Variants in VWC2 observed in about 807,000 individuals in gnomAD.
The protein encoded by VWC2 is von Willebrand factor C domain containing 2, also known as brorin.
Under a neutral mutation model 29.8 loss-of-function variants are expected in VWC2, and 14 were observed. That is an observed-to-expected ratio of 0.47 (90% CI 0.31 to 0.74). The LOEUF (loss-of-function observed/expected upper bound fraction) is 0.74, where lower values mean the gene tolerates loss of function less well. Ranked by LOEUF, VWC2 falls within the 30% of genes least tolerant of loss-of-function variation. The pLI is 0.05. For synonymous variants in VWC2, 213 were observed against 199.0 expected, an observed-to-expected ratio of 1.07 and a Z score of -0.59; for missense variants, 457 against 459.8, an observed-to-expected ratio of 0.99 and a Z score of 0.05.
intron 3 of VWC2, among the ~76,000 whole-genome samples, chr7:49,819,327 C>T (rs945658483): frequency 6.6e-6 from 1 of 152,172 alleles, no homozygotes; most frequent in African/African-American, 2.4e-5. Context: ...TCACAGAAAG[C>T]GTTGTGTGTG....
In VWC2 at chr7:49,775,812, C is replaced by T; in HGVS notation, c.377C>T (p.Ala126Val). 2 of 1,539,352 alleles carry T rather than the reference C, an allele frequency of 1.3e-6. No individual in the cohort carries two copies. The highest frequency in any genetic ancestry group is 8.8e-7 in the Non-Finnish European group (1 of 1,142,716). ...DTPQAEALAA[A>V]AQDAIGPELA... ...CCGCAGGCGGAAGCCCTGGCCGCAG[C>T]CGCCCAGGACGCGATTGGCCCGGAA... Residue 126 changes from alanine (A) to valine (V), a missense_variant, in exon 2 of 4, where the codon GCC (alanine) becomes GTC (valine). Physicochemically the swap from Ala to Val is moderately conservative, Grantham distance 64. Coordinates refer to ENST00000340652, the MANE Select transcript of VWC2 (RefSeq NM_198570.5).
At chr7:49,836,746 T>C (rs1046587423) in intron 3 of VWC2, among the ~76,000 whole-genome samples, 1 of 152,046 alleles carries the variant, frequency 6.6e-6, no homozygotes, top group Admixed American at 6.5e-5. Context: ...CTAGAAAAAA[T>C]CTTTTAGGTT....
chr7:49,852,590 CTTTT>C (rs1454402053), intron 3 of VWC2, among the ~76,000 whole-genome samples: 1 of 151,612 alleles, frequency 6.6e-6, no homozygotes, highest in Non-Finnish European at 1.5e-5. Flanking sequence ...GTTTCTGTGG[CTTTT>C]TGAGAAGTGA....
chr7:49,807,254 C>A (rs2128706763), intron 3 of VWC2, among the ~76,000 whole-genome samples: 1 of 152,226 alleles, frequency 6.6e-6, no homozygotes, highest in Non-Finnish European at 1.5e-5. Context: ...AAAATTCTAG[C>A]CAAAAATCCA....
At position 49,919,323 on chromosome 7, in the gene VWC2, A is replaced by C. The variant is rs2128746273; in HGVS notation, c.*7138A>C. 6.6e-6 allele frequency: 1 copy of C among 152,316 alleles called. No homozygotes were observed. The highest frequency in any genetic ancestry group is 1.5e-5 in the Non-Finnish European group (1 of 68,026). The allele number at this position is 152,316 out of a possible 1,614,324, so 9.4% of individuals were successfully genotyped here. A position where few individuals can be genotyped will look rare whatever the true frequency, so the allele number is the denominator to read the frequency against. On this transcript the variant is annotated 3_prime_UTR_variant, in exon 4 of 4. Transcript: ENST00000340652. ...GATACCAGCAGATATCCTTAAACTA[A>C]TAAAAAAAGCGATGGCATCACATGC...
intron 3 of VWC2, among the ~76,000 whole-genome samples, chr7:49,887,197 A>T (rs1791941568): frequency 1.3e-5 from 2 of 152,250 alleles, no homozygotes; most frequent in Middle Eastern, 6.8e-3. Context: ...TCTCAATACT[A>T]CTGAACAGAT....
rs1224356513 is a variant in VWC2 at position 49,914,061 on chromosome 7, C to T, written c.*1876C>T. The T allele has an allele frequency of 6.6e-6, 1 of 152,204 alleles. No individual in the cohort carries two copies. Among genetic ancestry groups the T allele is most frequent in the East Asian group, 1.9e-4 (1 of 5,194 alleles). 9.4% of individuals were successfully genotyped at this position (152,204 alleles called of 1,614,324 possible). A position where few individuals can be genotyped will look rare whatever the true frequency, so the allele number is the denominator to read the frequency against. On this transcript the variant is annotated 3_prime_UTR_variant, in exon 4 of 4. Transcript: ENST00000340652. ...CAAAATTTAACCTTTGTATTAAAGA[C>T]TGGTAGACATTGGCCATCCCTCCTT... is the stretch of plus-strand genomic sequence containing the variant.
chr7:49,854,332 A>G (rs539878391), intron 3 of VWC2, among the ~76,000 whole-genome samples: 23 of 152,330 alleles, frequency 1.5e-4, no homozygotes, highest in African/African-American at 5.1e-4. Context: ...CCCACCAACA[A>G]TGTAAACGTG....
intron 3 of VWC2, among the ~76,000 whole-genome samples, chr7:49,877,470 A>AAATAAAAT (rs1554338208): frequency 5.0e-5 from 2 of 39,858 alleles, no homozygotes; most frequent in Non-Finnish European, 8.7e-5. Context: ...CTCAAAAAAA[A>AAATAAAAT]AAAAAAAAAA....
chr7:49,776,223 T>A, intron 2 of VWC2, 92 bp downstream of exon 2: 1 of 1,152,928 alleles, frequency 8.7e-7, no homozygotes. Context: ...GAAGAAGAGG[T>A]GCTCTCTGGT....
intron 3 of VWC2, among the ~76,000 whole-genome samples, chr7:49,911,663 A>T (rs1222654510): frequency 2.0e-5 from 3 of 151,846 alleles, no homozygotes; most frequent in African/African-American, 7.3e-5. Flanking sequence ...TTGGGAAGCC[A>T]AGGTGGGTGG....
chr7:49,796,576 G>A (rs140374897), intron 2 of VWC2, among the ~76,000 whole-genome samples: 3 of 152,290 alleles, frequency 2.0e-5, no homozygotes, highest in Non-Finnish European at 4.4e-5. Flanking sequence ...TAGGCATCCC[G>A]GTAGATGGTG....
In VWC2 at chr7:49,913,911, T is replaced by C. The variant is rs1019265056; in HGVS notation, c.*1726T>C. ...GACTGAGTCATCAAAACACTACATA[T>C]AGTCATTTAATTTTTGTCTTGTTCA... On this transcript the variant is annotated 3_prime_UTR_variant, in exon 4 of 4. Transcript: ENST00000340652. The C allele has an allele frequency of 6.6e-6, 1 of 152,162 alleles. No individual in the cohort carries two copies. The highest frequency in any genetic ancestry group is 1.5e-5 in the Non-Finnish European group (1 of 68,034). The allele number at this position is 152,162 out of a possible 1,614,324, so 9.4% of individuals were successfully genotyped here.
In VWC2 at chr7:49,776,100, G is replaced by A. The variant is rs866218265; in HGVS notation, c.665G>A (p.Gly222Asp). 8.4e-6 allele frequency: 13 copies of A among 1,546,372 alleles called. No individual in the cohort carries two copies. The East Asian group carries it at 2.2e-4, about 26-fold the overall frequency. The change falls in exon 2 of 4, where the codon GGC becomes GAC. Residue 222 changes from glycine to aspartate, a missense_variant. Physicochemically the swap from Gly to Asp is moderately conservative, Grantham distance 94. Coordinates refer to ENST00000340652, the MANE Select transcript of VWC2 (RefSeq NM_198570.5). Reference protein sequence around the residue: ...KERKNYCEFRGKTYQTLEEFV... With the variant: ...KERKNYCEFRDKTYQTLEEFV... ...AGGAAGAACTACTGCGAGTTCCGGG[G>A]CAAGACCTATCAGACTTTGGAGGAG... is the stretch of plus-strand genomic sequence containing the variant.
At chr7:49,778,341 G>C (rs1182053366) in intron 2 of VWC2, among the ~76,000 whole-genome samples, 3 of 152,194 alleles carry the variant, frequency 2.0e-5, no homozygotes, top group Admixed American at 6.5e-5. Flanking sequence ...GGAATATTAA[G>C]TGCATCTTCC....
At chr7:49,847,497 A>G (rs1789987921) in intron 3 of VWC2, among the ~76,000 whole-genome samples, 1 of 152,090 alleles carries the variant, frequency 6.6e-6, no homozygotes, top group South Asian at 2.1e-4. Flanking sequence ...CAAGGGTTTG[A>G]AAATGTGGGT....
At position 49,872,520 on chromosome 7, in the gene VWC2, G is replaced by A. The variant is rs557280756; in HGVS notation, c.827-39514G>A. Among the ~76,000 whole-genome samples, 17 of 151,184 alleles carry A rather than the reference G, an allele frequency of 1.1e-4. No individual in the cohort carries two copies. In the East Asian group the frequency reaches 2.7e-3, roughly 24 times the overall value. On this transcript the variant is annotated intron_variant, in intron 3 of 3. Coordinates refer to ENST00000340652, the MANE Select transcript of VWC2 (RefSeq NM_198570.5). ...CTGTGAGTAAGAATCTATGGCTTAC[G>A]GGGAATGAAAATTTTAAGATACACA...
chr7:49,833,596 G>T (rs946287081), intron 3 of VWC2, among the ~76,000 whole-genome samples: 8 of 152,148 alleles, frequency 5.3e-5, no homozygotes, highest in Non-Finnish European at 8.8e-5. Flanking sequence ...GTAATCAGTG[G>T]TCCATGCAAA....
intron 3 of VWC2, among the ~76,000 whole-genome samples, chr7:49,818,876 CATATAA>C (rs1287432447): frequency 1.3e-5 from 2 of 148,876 alleles, no homozygotes; most frequent in Middle Eastern, 3.6e-3. Flanking sequence ...TATATATCTT[CATATAA>C]ATATAAATTC....
Sources: allele counts gnomAD v4.1 joint callset (sites outside exome capture counted in the v4.1 genomes callset), GRCh38; gene constraint gnomAD v4.1.1; transcripts MANE v1.5; gene names NCBI Gene and HGNC (gene_info 2026-07-23, HGNC 2026-07-21).